The following CSMD3 variants were observed in gnomAD, a reference collection of about 807,000 sequenced individuals.
CSMD3 encodes CUB and Sushi multiple domains 3.
A neutral mutation model predicts 435.2 loss-of-function variants in CSMD3; 177 were observed. That is an observed-to-expected ratio of 0.41 (90% CI 0.36 to 0.46). The LOEUF is 0.46. Among genes scored for constraint, CSMD3 ranks in the 20% least tolerant of loss-of-function variants. The pLI is 0.34. For synonymous variants in CSMD3, 1,656 were observed against 1,520.5 expected, an observed-to-expected ratio of 1.09 and a Z score of -2.07; for missense variants, 4,265 against 4,504.6, an observed-to-expected ratio of 0.95 and a Z score of 1.52.
At chr8:113,286,030 T>A (rs1187412199) in intron 2 of CSMD3, among the ~76,000 whole-genome samples, 1 of 149,002 alleles carries the variant, frequency 6.7e-6, no homozygotes, top group Non-Finnish European at 1.5e-5. Context: ...TTAGCTGGTA[T>A]TTTTTTTTTC....
chr8:113,132,414 G>T (rs561313835), intron 4 of CSMD3, among the ~76,000 whole-genome samples: 1 of 152,192 alleles, frequency 6.6e-6, no homozygotes, highest in African/African-American at 2.4e-5. Context: ...CATGGGTACA[G>T]GTTTCCCCCT....
chr8:112,276,923 T>C (rs1034358923), intron 59 of CSMD3, among the ~76,000 whole-genome samples: 3 of 151,930 alleles, frequency 2.0e-5, no homozygotes, highest in Non-Finnish European at 4.4e-5. Context: ...GGGCACCAAG[T>C]TCCTAGACTG....
chr8:112,406,995 T>G (rs1831917475), intron 34 of CSMD3, among the ~76,000 whole-genome samples: 1 of 151,956 alleles, frequency 6.6e-6, no homozygotes. Context: ...CCGAACTCAT[T>G]AATATTACAA....
At chr8:112,775,696 G>A (rs1182691847) in intron 13 of CSMD3, among the ~76,000 whole-genome samples, 1 of 151,832 alleles carries the variant, frequency 6.6e-6, no homozygotes, top group Non-Finnish European at 1.5e-5. Context: ...ATAAAAGTGA[G>A]TCTCACTGTC....
chr8:112,891,800 T>C (rs1587595895), intron 10 of CSMD3, among the ~76,000 whole-genome samples: 1 of 151,560 alleles, frequency 6.6e-6, no homozygotes, highest in African/African-American at 2.4e-5. Flanking sequence ...GTCATATACA[T>C]AGATTGTAGA....
At chr8:112,980,600 A>C (rs1392562321) in intron 6 of CSMD3, among the ~76,000 whole-genome samples, 2 of 151,484 alleles carry the variant, frequency 1.3e-5, no homozygotes, top group East Asian at 1.9e-4. Context: ...AGTCATTAGC[A>C]TATGTAATTT....
chr8:112,489,256 A>C (rs1182145637), intron 31 of CSMD3, among the ~76,000 whole-genome samples: 25 of 151,944 alleles, frequency 1.6e-4, no homozygotes, highest in Admixed American at 1.6e-3. Flanking sequence ...TGTCTCTGCA[A>C]AAAAAATAAA....
intron 38 of CSMD3, among the ~76,000 whole-genome samples, chr8:112,368,371 T>C (rs149555681): frequency 6.6e-6 from 1 of 152,312 alleles, no homozygotes; most frequent in African/African-American, 2.4e-5. Context: ...TCAGATAAAC[T>C]GACTTGACAT....
intron 20 of CSMD3, among the ~76,000 whole-genome samples, chr8:112,639,445 A>G (rs2074756133): frequency 6.6e-6 from 1 of 152,160 alleles, no homozygotes; most frequent in East Asian, 1.9e-4. Flanking sequence ...ACCTGTGCAT[A>G]TAATATGCAA....
intron 24 of CSMD3, among the ~76,000 whole-genome samples, chr8:112,558,662 G>C (rs984367728): frequency 4.0e-5 from 6 of 151,866 alleles, no homozygotes; most frequent in Admixed American, 2.6e-4. Context: ...CAGAGAGCTG[G>C]ATAATTGGTC....
intron 12 of CSMD3, among the ~76,000 whole-genome samples, chr8:112,812,691 T>C (rs1778958822): frequency 6.6e-6 from 1 of 152,194 alleles, no homozygotes; most frequent in African/African-American, 2.4e-5. Flanking sequence ...GACAGTTGTA[T>C]CAATATTTAA....
At chr8:112,575,023 C>A (rs1443939008) in intron 23 of CSMD3, among the ~76,000 whole-genome samples, 2 of 151,722 alleles carry the variant, frequency 1.3e-5, no homozygotes, top group Non-Finnish European at 2.9e-5. Context: ...TTATATTAAT[C>A]TGAATAATAT....
intron 32 of CSMD3, among the ~76,000 whole-genome samples, chr8:112,432,166 A>C (rs1813788073): frequency 1.3e-5 from 2 of 152,168 alleles, no homozygotes; most frequent in Admixed American, 1.3e-4. Flanking sequence ...AGCTAAGACT[A>C]TTCCATATGT....
chr8:112,836,514 C>G (rs1366796138), intron 11 of CSMD3, among the ~76,000 whole-genome samples: 1 of 151,800 alleles, frequency 6.6e-6, no homozygotes, highest in Admixed American at 6.6e-5. Context: ...ATTCTGGCCA[C>G]TGGAAGATGA....
chr8:112,504,769 C>T (rs938024195), intron 29 of CSMD3, among the ~76,000 whole-genome samples: 1 of 152,058 alleles, frequency 6.6e-6, no homozygotes, highest in South Asian at 2.1e-4. Context: ...GATCATGGAA[C>T]TCATACATTT....
At chr8:113,212,638 A>G (rs1015315298) in intron 3 of CSMD3, among the ~76,000 whole-genome samples, 2 of 152,036 alleles carry the variant, frequency 1.3e-5, no homozygotes, top group African/African-American at 4.8e-5. Flanking sequence ...TATCACAAGG[A>G]CAAAAAACCA....
At chr8:112,603,944 G>T (rs1458755643) in intron 22 of CSMD3, among the ~76,000 whole-genome samples, 1 of 152,062 alleles carries the variant, frequency 6.6e-6, no homozygotes, top group Non-Finnish European at 1.5e-5. Context: ...TAATTTATGA[G>T]AAATAAAATC....
At chr8:112,352,585 T>G in intron 38 of CSMD3, 51 bp from the exon 39 acceptor site, 1 of 1,479,476 alleles carries the variant, frequency 6.8e-7, no homozygotes, top group Non-Finnish European at 9.4e-7. Flanking sequence ...TGATAAATGC[T>G]TAAGTTATGC....
At chr8:113,294,518 C>A (rs1563662363) in intron 2 of CSMD3, among the ~76,000 whole-genome samples, 1 of 152,088 alleles carries the variant, frequency 6.6e-6, no homozygotes, top group Non-Finnish European at 1.5e-5. Flanking sequence ...TGCTGTTCTG[C>A]GAGGACTCTC....
Sources: gnomAD v4.1 joint callset for allele counts (sites outside exome capture counted in the v4.1 genomes callset) on GRCh38, gnomAD v4.1.1 for gene constraint, MANE v1.5 for transcripts, NCBI Gene and HGNC (gene_info 2026-07-23, HGNC 2026-07-21) for gene names.